The following GRAMD2A variants were observed in gnomAD, a reference collection of about 807,000 sequenced individuals.
GRAMD2A encodes GRAM domain containing 2A, also known as GRAM domain-containing protein 2A.
A neutral mutation model predicts 51.1 loss-of-function variants in GRAMD2A; 37 were observed. The ratio of observed to expected loss-of-function variants is 0.72; its 90% CI spans 0.56 to 0.95. The LOEUF (loss-of-function observed/expected upper bound fraction) is 0.95, where lower values mean the gene tolerates loss of function less well. Among genes scored for constraint, GRAMD2A ranks in the 40% least tolerant of loss-of-function variants. The probability of loss-of-function intolerance (pLI) is 0.00; values close to 1 mark genes in which losing one functional copy is unlikely to be tolerated. For synonymous variants in GRAMD2A, 136 were observed against 157.1 expected, an observed-to-expected ratio of 0.87 and a Z score of 1.01; for missense variants, 414 against 426.9, an observed-to-expected ratio of 0.97 and a Z score of 0.27.
At chr15:72,168,111 A>G (rs987598253) in intron 4 of GRAMD2A, among the ~76,000 whole-genome samples, 1 of 152,072 alleles carries the variant, frequency 6.6e-6, no homozygotes, top group African/African-American at 2.4e-5. Context: ...TCCTGCCCTG[A>G]TCTCCAAGCC....
chr15:72,170,476 G>C lies in GRAMD2A; in HGVS notation c.42-537C>G. 3 of 451,238 alleles carry C rather than the reference G, an allele frequency of 6.6e-6. No individual in the cohort carries two copies. The highest frequency in any genetic ancestry group is 4.7e-5 in the South Asian group (3 of 64,254). The allele number at this position is 451,238 out of a possible 1,614,324, so 28.0% of individuals were successfully genotyped here. A position where few individuals can be genotyped will look rare whatever the true frequency, so the allele number is the denominator to read the frequency against. On this transcript the variant is annotated intron_variant, in intron 1 of 11. Transcript: ENST00000309731. The surrounding 1 kb of genome is among the most constrained non-coding windows in gnomAD (Gnocchi z 4.5). ...GCCTACAGGTGAGTGTGGCCAGGAG[G>C]GGAGGAGCCGTCTTATACCAGGAAG...
Position 72,170,812 on chromosome 15 carries a change from G to A in GRAMD2A, c.42-873C>T, listed in dbSNP as rs2081603266. On this transcript the variant is annotated intron_variant, in intron 1 of 11. Transcript: ENST00000309731. This position sits in a 1 kb window ranked among gnomAD's most constrained non-coding sequence, Gnocchi z 4.5. ...CCGTGCTGGGGCAGTGTGGTGGTCA[G>A]GAACAGGTAACAAGGTCACGTGCAG... Among the ~76,000 whole-genome samples the A allele has an allele frequency of 2.0e-5, 3 of 152,186 alleles. No individual in the cohort carries two copies. The highest frequency in any genetic ancestry group is 7.2e-5 in the African/African-American group (3 of 41,424).
chr15:72,163,898 C>A (rs1420035418), intron 8 of GRAMD2A, 141 bp from the exon 9 acceptor site: 26 of 818,474 alleles, frequency 3.2e-5, no homozygotes, highest in Non-Finnish European at 1.9e-6. Flanking sequence ...CAGGTACAAG[C>A]GAGGAGGGCA....
chr15:72,167,591 G>T, intron 5 of GRAMD2A, 145 bp downstream of exon 5: 2 of 674,810 alleles, frequency 3.0e-6, no homozygotes, highest in Non-Finnish European at 2.6e-6. Context: ...TGGATGGGAT[G>T]CCTCGAAGCT....
intron 1 of GRAMD2A, among the ~76,000 whole-genome samples, chr15:72,196,047 C>G (rs1168861753): frequency 1.3e-5 from 2 of 152,226 alleles, no homozygotes; most frequent in Non-Finnish European, 2.9e-5. Context: ...TTCTATTTGG[C>G]CCCAGCCTAA....
In GRAMD2A at chr15:72,161,966, C is replaced by T. The variant is rs1463139649; in HGVS notation, c.*43G>A. The T allele has an allele frequency of 6.2e-7, 1 of 1,610,020 alleles. No individual in the cohort carries two copies. The highest frequency in any genetic ancestry group is 8.5e-7 in the Non-Finnish European group (1 of 1,176,366). ...ATTGGTGGAGACTTAGCACCCAGAA[C>T]ATTCTTCTTGGAGAAGGAATGGGGA... On this transcript the variant is annotated 3_prime_UTR_variant, in exon 12 of 12. Coordinates refer to ENST00000309731, the MANE Select transcript of GRAMD2A (RefSeq NM_001012642.3).
At chr15:72,167,622 G>A (rs540874727) in intron 5 of GRAMD2A, 114 bp downstream of exon 5, 84 of 813,548 alleles carry the variant, frequency 1.0e-4, no homozygotes, top group Admixed American at 3.7e-4. Context: ...CCAGCAAGGG[G>A]CTTCACCCGG....
At position 72,163,455 on chromosome 15, in the gene GRAMD2A, G is replaced by A. The variant is rs1383161309; in HGVS notation, c.767C>T (p.Ala256Val). ...PMSEKSRAQV[A>V]SENGGRWAWP... Reference sequence around the variant, plus strand: ...TGCCCACCTCCCACCATTTTCTGAAGCTACTTGGGCTCTTGACTTTTCTTT... The same window carrying A: ...TGCCCACCTCCCACCATTTTCTGAAACTACTTGGGCTCTTGACTTTTCTTT... The change falls in exon 10 of 12, where the codon GCT becomes GTT. Residue 256 changes from alanine to valine, a missense_variant. Transcript: ENST00000309731. 6.2e-7 allele frequency: 1 copy of A among 1,614,064 alleles called. No individual in the cohort carries two copies. Among genetic ancestry groups the A allele is most frequent in the South Asian group, 1.1e-5 (1 of 91,074 alleles).
intron 5 of GRAMD2A, 150 bp downstream of exon 5, chr15:72,167,586 G>T: frequency 1.5e-6 from 1 of 667,056 alleles, no homozygotes; most frequent in Non-Finnish European, 2.7e-6. Flanking sequence ...GACACTGGAT[G>T]GGATGCCTCG....
chr15:72,190,927 T>A (rs527830550), intron 1 of GRAMD2A, among the ~76,000 whole-genome samples: 2 of 152,212 alleles, frequency 1.3e-5, no homozygotes, highest in East Asian at 3.9e-4. Flanking sequence ...TACCAGAAAC[T>A]AAAGAAGTCA....
chr15:72,193,936 G>A (rs1408180547), intron 1 of GRAMD2A, among the ~76,000 whole-genome samples: 1 of 152,242 alleles, frequency 6.6e-6, no homozygotes, highest in Non-Finnish European at 1.5e-5. Flanking sequence ...TTTGGAATCT[G>A]TGCCGGAGCA....
chr15:72,190,192 T>A (rs181613674), intron 1 of GRAMD2A, among the ~76,000 whole-genome samples: 2 of 151,890 alleles, frequency 1.3e-5, no homozygotes, highest in South Asian at 2.1e-4. Flanking sequence ...CTGGCTAACA[T>A]GGTGAAACCC....
intron 4 of GRAMD2A, among the ~76,000 whole-genome samples, chr15:72,168,089 G>T (rs1490974874): frequency 6.6e-6 from 1 of 152,058 alleles, no homozygotes; most frequent in African/African-American, 2.4e-5. Context: ...GCTCCAGAGG[G>T]TCCAGGCAAG....
At chr15:72,176,736 G>A (rs62026268) in intron 1 of GRAMD2A, among the ~76,000 whole-genome samples, 4,364 of 152,090 alleles carry the variant, frequency 0.029, 101 homozygotes, top group Non-Finnish European at 0.045. Context: ...CCCCGACAAG[G>A]TCTCTTCACT....
intron 1 of GRAMD2A, among the ~76,000 whole-genome samples, chr15:72,190,261 C>T (rs913819294): frequency 6.6e-6 from 1 of 152,112 alleles, no homozygotes; most frequent in Non-Finnish European, 1.5e-5. Flanking sequence ...CGCCTGTAGT[C>T]GCAGCTACTC....
intron 1 of GRAMD2A, among the ~76,000 whole-genome samples, chr15:72,188,341 A>G (rs558471907): frequency 3.5e-4 from 50 of 143,704 alleles, no homozygotes; most frequent in African/African-American, 9.9e-4. Context: ...CGTCTCAAAG[A>G]AAAAAAAAAA....
rs749939238 is a variant in GRAMD2A, at chr15:72,169,847, C to T, written c.134G>A (p.Ser45Asn). ...PDRVEEPPDY[S>N]LHWPEGLKGE... ...CTATGACTGGGAAAGGGGTCCTCAC[C>T]TGTAGTCCGGGGGCTCCTCAACTCT... Residue 45 changes from serine to asparagine, a missense_variant and splice_region_variant, in exon 2 of 12, where the codon AGT (serine) becomes AAT (asparagine). Ser to Asn is a conservative substitution (Grantham distance 46, BLOSUM62 1). Transcript: ENST00000309731. 6.2e-7 allele frequency: 1 copy of T among 1,611,368 alleles called. No homozygotes were observed. Among genetic ancestry groups the T allele is most frequent in the South Asian group, 1.1e-5 (1 of 91,038 alleles).
At chr15:72,184,641 C>G (rs2081722518) in intron 1 of GRAMD2A, among the ~76,000 whole-genome samples, 1 of 152,198 alleles carries the variant, frequency 6.6e-6, no homozygotes, top group Non-Finnish European at 1.5e-5. Context: ...GGCTCAGATT[C>G]CTGACCAATG....
Position 72,169,930 on chromosome 15 carries a change from T to C in GRAMD2A, c.51A>G (p.Gln17=). ...TCAGAGAAGCTGTCTTTCTGTGCATTTGTTGGTTGCTAGGGAAAAACAGGC... is the reference window on the plus strand; with the variant it reads ...TCAGAGAAGCTGTCTTTCTGTGCATCTGTTGGTTGCTAGGGAAAAACAGGC... ...SEATEEGGNQ[Q]MHRKTASLNS... Residue 17 remains glutamine (Q), a synonymous_variant, in exon 2 of 12, where the codon CAA becomes CAG. Coordinates refer to ENST00000309731, the MANE Select transcript of GRAMD2A (RefSeq NM_001012642.3). 1 of 1,614,018 alleles carries C rather than the reference T, an allele frequency of 6.2e-7. No individual in the cohort carries two copies. The highest frequency in any genetic ancestry group is 8.5e-7 in the Non-Finnish European group (1 of 1,179,872).
Sources: gnomAD v4.1 joint callset for allele counts (sites outside exome capture counted in the v4.1 genomes callset) on GRCh38, gnomAD v4.1.1 for gene constraint, Gnocchi (gnomAD v3.1) non-coding constraint, MANE v1.5 for transcripts, NCBI Gene and HGNC (gene_info 2026-07-23, HGNC 2026-07-21) for gene names.